MMP16: variants seen among roughly 807,000 people sequenced by gnomAD.
MMP16 encodes the protein matrix metalloproteinase-16.
Under a neutral mutation model 67.8 loss-of-function variants are expected in MMP16, and 12 were observed. That is an observed-to-expected ratio of 0.18 (90% CI 0.11 to 0.29). The LOEUF (loss-of-function observed/expected upper bound fraction) is 0.29, where lower values mean the gene tolerates loss of function less well. Among genes scored for constraint, MMP16 ranks in the 10% least tolerant of loss-of-function variants. The pLI is 1.00. For synonymous variants in MMP16, 249 were observed against 255.9 expected, an observed-to-expected ratio of 0.97 and a Z score of 0.26; for missense variants, 475 against 765.7, an observed-to-expected ratio of 0.62 and a Z score of 4.48.
intron 6 of MMP16, among the ~76,000 whole-genome samples, chr8:88,079,328 T>C (rs1563525497): frequency 6.6e-6 from 1 of 152,190 alleles, no homozygotes; most frequent in Non-Finnish European, 1.5e-5. Context: ...CGCAAAACTT[T>C]TATCACAGTA....
intron 1 of MMP16, among the ~76,000 whole-genome samples, chr8:88,213,249 G>C (rs1466522518): frequency 2.0e-5 from 3 of 152,028 alleles, no homozygotes; most frequent in Non-Finnish European, 4.4e-5. Context: ...ACTCATCTGT[G>C]TTTAACTTAA....
At chr8:88,091,297 T>G (rs1199110530) in intron 6 of MMP16, among the ~76,000 whole-genome samples, 1 of 151,846 alleles carries the variant, frequency 6.6e-6, no homozygotes, top group African/African-American at 2.4e-5. Context: ...CCCTGCAGAT[T>G]TTTTCTTCCT....
chr8:88,289,427 T>C (rs902836714), intron 1 of MMP16, among the ~76,000 whole-genome samples: 1 of 152,084 alleles, frequency 6.6e-6, no homozygotes, highest in Non-Finnish European at 1.5e-5. Flanking sequence ...CCATAAAGTA[T>C]GTCATCAAAC....
At chr8:88,290,730 A>G (rs1458580274) in intron 1 of MMP16, among the ~76,000 whole-genome samples, 8 of 152,134 alleles carry the variant, frequency 5.3e-5, no homozygotes, top group Non-Finnish European at 1.2e-4. Context: ...GGAACGCACC[A>G]CCATATCTGG....
chr8:88,267,852 C>T (rs1019351049), intron 1 of MMP16, among the ~76,000 whole-genome samples: 1 of 152,008 alleles, frequency 6.6e-6, no homozygotes, highest in Non-Finnish European at 1.5e-5. Context: ...TGTAACTGGT[C>T]CCAAAATTGA....
chr8:88,243,035 AC>A (rs1436113319), intron 1 of MMP16, among the ~76,000 whole-genome samples: 38 of 152,296 alleles, frequency 2.5e-4, no homozygotes, highest in African/African-American at 9.1e-4. Context: ...AATCTCAGAA[AC>A]CAAAGTTAAA....
At chr8:88,196,424 A>C (rs1809257987) in intron 2 of MMP16, among the ~76,000 whole-genome samples, 1 of 152,176 alleles carries the variant, frequency 6.6e-6, no homozygotes, top group Non-Finnish European at 1.5e-5. Context: ...TCTATGCAGA[A>C]GATAAGAATT....
intron 1 of MMP16, among the ~76,000 whole-genome samples, chr8:88,272,752 T>A (rs1390400540): frequency 6.6e-6 from 1 of 152,144 alleles, no homozygotes; most frequent in Non-Finnish European, 1.5e-5. Flanking sequence ...TGCAGAACAG[T>A]GAACATTGAT....
At chr8:88,156,169 A>G (rs895872081) in intron 4 of MMP16, among the ~76,000 whole-genome samples, 2 of 152,102 alleles carry the variant, frequency 1.3e-5, no homozygotes, top group Non-Finnish European at 2.9e-5. Context: ...GAGGCTTTTT[A>G]TAATATCTCC....
intron 6 of MMP16, among the ~76,000 whole-genome samples, chr8:88,108,475 A>T (rs1347462718): frequency 6.6e-6 from 1 of 151,302 alleles, no homozygotes; most frequent in Admixed American, 6.6e-5. Flanking sequence ...ATTTTCCCTG[A>T]CAATGGTTAC....
At chr8:88,056,572 G>A (rs953114972) in intron 7 of MMP16, among the ~76,000 whole-genome samples, 1 of 151,968 alleles carries the variant, frequency 6.6e-6, no homozygotes, top group African/African-American at 2.4e-5. Flanking sequence ...TTGCCATAAA[G>A]AAACAATTCT....
chr8:88,274,127 G>A (rs1031963665), intron 1 of MMP16, among the ~76,000 whole-genome samples: 3 of 152,062 alleles, frequency 2.0e-5, no homozygotes, highest in Non-Finnish European at 4.4e-5. Context: ...GCAGAGTTGA[G>A]TGTCTGAGAT....
chr8:88,237,040 C>A (rs1225153034), intron 1 of MMP16, among the ~76,000 whole-genome samples: 1 of 152,110 alleles, frequency 6.6e-6, no homozygotes, highest in Non-Finnish European at 1.5e-5. Context: ...AAAGTTAAAT[C>A]TCCGCAACTG....
At chr8:88,308,443 A>C (rs763978964) in intron 1 of MMP16, among the ~76,000 whole-genome samples, 11 of 152,120 alleles carry the variant, frequency 7.2e-5, no homozygotes, top group Non-Finnish European at 1.3e-4. Context: ...GACAAGCTAC[A>C]TAAAGCAAGA....
chr8:88,305,415 T>C (rs563640722), intron 1 of MMP16, among the ~76,000 whole-genome samples: 80 of 152,292 alleles, frequency 5.3e-4, no homozygotes, highest in Non-Finnish European at 5.9e-4. Flanking sequence ...ATTCGGGACT[T>C]GAACTCACCT....
At chr8:88,159,621 A>G (rs191463209) in intron 4 of MMP16, among the ~76,000 whole-genome samples, 1 of 151,964 alleles carries the variant, frequency 6.6e-6, no homozygotes, top group Admixed American at 6.6e-5. Context: ...AATACCCTTT[A>G]TTTCTTTCTC....
intron 3 of MMP16, among the ~76,000 whole-genome samples, chr8:88,168,325 A>G (rs1016311509): frequency 1.3e-5 from 2 of 152,056 alleles, no homozygotes; most frequent in African/African-American, 4.8e-5. Context: ...AAAAATTTCA[A>G]TTTTTTCTAG....
chr8:88,132,260 C>T (rs1006706667), intron 4 of MMP16, among the ~76,000 whole-genome samples: 3 of 151,800 alleles, frequency 2.0e-5, no homozygotes, highest in Admixed American at 1.3e-4. Flanking sequence ...CTTTAAAATA[C>T]GATTTTTCAA....
intron 6 of MMP16, among the ~76,000 whole-genome samples, chr8:88,109,431 T>C (rs1211575116): frequency 1.3e-5 from 2 of 151,322 alleles, no homozygotes; most frequent in Non-Finnish European, 3.0e-5. Context: ...TTTTAAGAGA[T>C]TGTGAAGACC....
Sources: allele counts gnomAD v4.1 joint callset (sites outside exome capture counted in the v4.1 genomes callset), GRCh38; gene constraint gnomAD v4.1.1; transcripts MANE v1.5; gene names NCBI Gene and HGNC (gene_info 2026-07-23, HGNC 2026-07-21).